The following SYNE2 variants were observed in gnomAD, a reference collection of about 807,000 sequenced individuals.
The protein encoded by SYNE2 is nesprin-2.
SYNE2 carries 431 observed loss-of-function variants against 856.3 expected under a neutral mutation model. The observed-to-expected ratio is 0.50, with a 90% CI of 0.47 to 0.55. SYNE2 has a LOEUF of 0.55. SYNE2 is among the 20% of genes least tolerant of loss of function. The probability of loss-of-function intolerance (pLI) is 0.00; values close to 1 mark genes in which losing one functional copy is unlikely to be tolerated. For synonymous variants in SYNE2, 2,923 were observed against 2,872.3 expected, an observed-to-expected ratio of 1.02 and a Z score of -0.56; for missense variants, 8,129 against 8,023.2, an observed-to-expected ratio of 1.01 and a Z score of -0.50.
intron 46 of SYNE2, 58 bp downstream of exon 46, chr14:64,048,213 A>G (rs559165256): frequency 2.5e-4 from 387 of 1,558,110 alleles, no homozygotes; most frequent in Non-Finnish European, 3.2e-4. Flanking sequence ...GTGCAATACA[A>G]TATATTTTAA....
In SYNE2 at chr14:64,073,400, C is replaced by G. The variant is rs1158053497; in HGVS notation, c.10698-568C>G. ...AAAAATCAAGTATTAGAACAAAAGA[C>G]TCTCCTAGCTAGCACTCCTATCTAC... On this transcript the variant is annotated intron_variant, in intron 52 of 115. Coordinates refer to ENST00000555002, the MANE Select transcript of SYNE2 (RefSeq NM_182914.3). 2.0e-5 allele frequency among the ~76,000 whole-genome samples: 3 copies of G among 152,276 alleles called. No homozygotes were observed. In the South Asian group the frequency reaches 6.2e-4, roughly 32 times the overall value.
At chr14:64,095,645 C>G (rs79674350) in intron 61 of SYNE2, among the ~76,000 whole-genome samples, 5,559 of 152,128 alleles carry the variant, frequency 0.037, 132 homozygotes, top group East Asian at 0.081. Flanking sequence ...AAGGATAGTT[C>G]AGCTTACAAC....
At position 63,814,251 on chromosome 14, in the gene SYNE2, C is replaced by T. The variant is rs535511535; in HGVS notation, c.-304-38250C>T. On this transcript the variant is annotated intron_variant, in intron 1 of 23. Coordinates refer to the SYNE2 transcript ENST00000674003. ...TGCCACTGCACTCCAGTCTGGGCCA[C>T]AGAGCGAGGCTCTGTCTTAAAAAAA... Among the ~76,000 whole-genome samples, 150 of 151,534 alleles carry T rather than the reference C, an allele frequency of 9.9e-4. 3 individuals carry two copies. The South Asian group carries it at 0.016, about 17-fold the overall frequency.
intron 58 of SYNE2, 74 bp downstream of exon 58, chr14:64,087,930 T>C (rs2097576436): frequency 5.9e-6 from 9 of 1,537,034 alleles, no homozygotes; most frequent in Non-Finnish European, 7.1e-6. Context: ...TCCCTATAAT[T>C]CCAGCACTTT....
chr14:63,853,330 G>A (rs1890847364), intron 1 of SYNE2, among the ~76,000 whole-genome samples, 187 bp downstream of exon 1: 1 of 151,838 alleles, frequency 6.6e-6, no homozygotes, highest in East Asian at 1.9e-4. Flanking sequence ...GGTGGGGAGA[G>A]CGGGGTGCGC....
intron 7 of SYNE2, among the ~76,000 whole-genome samples, chr14:63,950,543 G>A (rs1041946675): frequency 1.3e-5 from 2 of 152,042 alleles, no homozygotes; most frequent in Non-Finnish European, 2.9e-5. Flanking sequence ...CAACAAGAGC[G>A]AAACTCTTGT....
At chr14:63,914,918 CA>C (rs1260488691) in intron 2 of SYNE2, among the ~76,000 whole-genome samples, 1 of 152,122 alleles carries the variant, frequency 6.6e-6, no homozygotes, top group Non-Finnish European at 1.5e-5. Flanking sequence ...GCTGGGATTA[CA>C]GGCATGTGCC....
At chr14:64,071,818 A>G (rs1336191851) in intron 52 of SYNE2, among the ~76,000 whole-genome samples, 1 of 151,186 alleles carries the variant, frequency 6.6e-6, no homozygotes, top group Non-Finnish European at 1.5e-5. Context: ...GGAGTTCGAG[A>G]CTGGCCTGGT....
chr14:64,064,915 G>T (rs1327281083), intron 50 of SYNE2, among the ~76,000 whole-genome samples: 3 of 150,600 alleles, frequency 2.0e-5, no homozygotes, highest in African/African-American at 7.3e-5. Context: ...TGCAGTGAGT[G>T]GCACAATTTC....
intron 8 of SYNE2, among the ~76,000 whole-genome samples, chr14:63,958,884 T>A (rs1248255023): frequency 1.3e-5 from 2 of 152,256 alleles, no homozygotes; most frequent in African/African-American, 2.4e-5. Context: ...GTCAATTTTT[T>A]AAAAAGTCCT....
At chr14:64,171,939 C>T (rs1595974022) in intron 94 of SYNE2, among the ~76,000 whole-genome samples, 1 of 152,200 alleles carries the variant, frequency 6.6e-6, no homozygotes, top group East Asian at 1.9e-4. Context: ...CAACCTCTGC[C>T]TCCCAGGTTG....
chr14:63,912,078 G>A (rs768267610), intron 2 of SYNE2, among the ~76,000 whole-genome samples: 3 of 152,164 alleles, frequency 2.0e-5, no homozygotes, highest in Non-Finnish European at 4.4e-5. Context: ...TCAAGGTGAC[G>A]CTGGGCAGTC....
In SYNE2 at chr14:64,163,454, G is replaced by C; in HGVS notation, c.16352G>C (p.Ser5451Thr). ...AAAGAAGCCTTTCTCCAAAATTCCA[G>C]TGTCCTGGATCGACTCCCACAACCC... Reference protein sequence around the residue: ...KTKEAFLQNSSVLDRLPQPAE... With the variant: ...KTKEAFLQNSTVLDRLPQPAE... Residue 5451 changes from serine to threonine, a missense_variant, in exon 89 of 116, where the codon AGT becomes ACT. By Grantham distance (58) the Ser-to-Thr change is moderately conservative. Coordinates refer to ENST00000555002, the MANE Select transcript of SYNE2 (RefSeq NM_182914.3). 6.2e-7 allele frequency: 1 copy of C among 1,614,138 alleles called. No individual in the cohort carries two copies. The highest frequency in any genetic ancestry group is 1.3e-5 in the African/African-American group (1 of 75,026).
chr14:63,781,030 C>T (rs979110094), intron 1 of SYNE2, among the ~76,000 whole-genome samples: 4 of 151,686 alleles, frequency 2.6e-5, no homozygotes, highest in African/African-American at 9.7e-5. Context: ...TAATCCCAGC[C>T]CTTTGGGAGG....
At chr14:64,013,545 T>G (rs1017872179) in intron 32 of SYNE2, among the ~76,000 whole-genome samples, 24 of 152,216 alleles carry the variant, frequency 1.6e-4, no homozygotes, top group African/African-American at 5.3e-4. Context: ...GTGCCCCCAT[T>G]GTTTAGCTCC....
In SYNE2 at chr14:64,152,444, CTATT is replaced by C. The variant is rs1260518057; in HGVS notation, c.15640-117_15640-114del. 3 of 926,074 alleles carry C rather than the reference CTATT, an allele frequency of 3.2e-6. No homozygotes were observed. The Admixed American group carries it at 7.2e-5, about 22-fold the overall frequency. 57.4% of individuals were successfully genotyped at this position (926,074 alleles called of 1,614,324 possible). ...TGATTTAAATTTCTTTGATGTAATGCTATTTAATTATATAATCTAATGACATTTT... is the reference window on the plus strand; with the variant it reads ...TGATTTAAATTTCTTTGATGTAATGCTAATTATATAATCTAATGACATTTT... On this transcript the variant is annotated intron_variant, in intron 84 of 115. Transcript: ENST00000555002.
intron 110 of SYNE2, among the ~76,000 whole-genome samples, chr14:64,219,667 G>C (rs2098685873): frequency 6.6e-6 from 1 of 152,160 alleles, no homozygotes; most frequent in South Asian, 2.1e-4. Context: ...TCCAGAGATG[G>C]AAAAATCTGA....
intron 84 of SYNE2, among the ~76,000 whole-genome samples, chr14:64,149,792 T>G (rs957398307): frequency 4.6e-5 from 7 of 152,152 alleles, no homozygotes; most frequent in Non-Finnish European, 8.8e-5. Context: ...CTGATTTATG[T>G]GTAGCAAATT....
intron 1 of SYNE2, among the ~76,000 whole-genome samples, chr14:63,829,644 C>T (rs766485725): frequency 1.3e-5 from 2 of 152,036 alleles, no homozygotes. Flanking sequence ...AAAGACAGCT[C>T]TTGCTCTGTT....
Sources: gnomAD v4.1 joint callset for allele counts (sites outside exome capture counted in the v4.1 genomes callset) on GRCh38, gnomAD v4.1.1 for gene constraint, MANE v1.5 for transcripts, NCBI Gene and HGNC (gene_info 2026-07-23, HGNC 2026-07-21) for gene names.